Variants in TEKT5 observed in about 807,000 individuals in gnomAD.
The protein encoded by TEKT5 is tektin-5.
Under a neutral mutation model 48.7 loss-of-function variants are expected in TEKT5, and 52 were observed. The observed-to-expected ratio is 1.07, with a 90% CI of 0.86 to 1.35. TEKT5 has a LOEUF of 1.35. Among genes scored for constraint, TEKT5 ranks in the 40% most tolerant of loss-of-function variants. The pLI, the probability that TEKT5 is intolerant of heterozygous loss-of-function variation, is 0.00. For missense variants in TEKT5, 831 were observed against 641.6 expected, an observed-to-expected ratio of 1.30 and a Z score of -3.19; for synonymous variants, 318 against 267.6, an observed-to-expected ratio of 1.19 and a Z score of -1.84.
rs143162010 is a variant in TEKT5 at position 10,632,919 on chromosome 16, G to A, written c.1241+2845C>T. 2.6e-3 allele frequency among the ~76,000 whole-genome samples: 301 copies of A among 114,534 alleles called. 1 individual carries two copies. Among genetic ancestry groups the A allele is most frequent in the African/African-American group, 0.01 (285 of 27,684 alleles). 75.1% of individuals were successfully genotyped at this position (114,534 alleles called of 152,430 possible). The stretch of plus-strand genomic sequence containing the variant: ...ACACACACACACACACACACGGCCC[G>A]GCTCCTGAACCAAACATGCTCCACC... On this transcript the variant is annotated intron_variant, in intron 6 of 6. Transcript: ENST00000283025.
intron 5 of TEKT5, among the ~76,000 whole-genome samples, chr16:10,654,956 C>CAT (rs1433177523): frequency 8.1e-6 from 1 of 122,958 alleles, no homozygotes; most frequent in Non-Finnish European, 1.8e-5. Flanking sequence ...CCCCCCCCCC[C>CAT]AGTCTGTGAC....
intron 6 of TEKT5, among the ~76,000 whole-genome samples, chr16:10,629,793 G>C (rs1596398162): frequency 6.6e-6 from 1 of 152,212 alleles, no homozygotes; most frequent in Admixed American, 6.5e-5. Flanking sequence ...CAGGTACAAA[G>C]GGCCTCTGGT....
chr16:10,654,966 C>T (rs1349701378), intron 5 of TEKT5, among the ~76,000 whole-genome samples: 6 of 121,012 alleles, frequency 5.0e-5, no homozygotes, highest in South Asian at 6.6e-4. Context: ...CAGTCTGTGA[C>T]GAGATTTTTC....
At chr16:10,632,534 G>A (rs1238302101) in intron 6 of TEKT5, among the ~76,000 whole-genome samples, 1 of 152,006 alleles carries the variant, frequency 6.6e-6, no homozygotes, top group African/African-American at 2.4e-5. Flanking sequence ...GGCCTCATGT[G>A]ATCCTCCCAC....
chr16:10,660,543 G>A (rs1077069), intron 5 of TEKT5, among the ~76,000 whole-genome samples: 75,364 of 151,710 alleles, frequency 0.5, 19,207 homozygotes, highest in East Asian at 0.73. Context: ...TCATCCGGGA[G>A]ACAGAGACTG....
chr16:10,665,493 C>A (rs1183388488), intron 5 of TEKT5, among the ~76,000 whole-genome samples: 6 of 152,226 alleles, frequency 3.9e-5, no homozygotes, highest in African/African-American at 1.4e-4. Flanking sequence ...TGTTCGTTCT[C>A]TCCATCTCCT....
chr16:10,628,161 G>C lies in TEKT5; in HGVS notation c.1242-362C>G, dbSNP rs912268093. 4.6e-5 allele frequency among the ~76,000 whole-genome samples: 7 copies of C among 152,202 alleles called. No homozygotes were observed. The South Asian group carries it at 1.2e-3, about 27-fold the overall frequency. Reference sequence around the variant, plus strand: ...GTGCCCGACCTAGCACAGGTTATTCGGTTCAAGGTAGATGCACTCACTGTG... The same window carrying C: ...GTGCCCGACCTAGCACAGGTTATTCCGTTCAAGGTAGATGCACTCACTGTG... On this transcript the variant is annotated intron_variant, in intron 6 of 6. Transcript: ENST00000283025.
At chr16:10,666,593 A>G (rs1898461145) in intron 5 of TEKT5, among the ~76,000 whole-genome samples, 1 of 152,148 alleles carries the variant, frequency 6.6e-6, no homozygotes, top group Non-Finnish European at 1.5e-5. Context: ...GTGAAGAATT[A>G]CTCAGGCCAC....
intron 6 of TEKT5, among the ~76,000 whole-genome samples, chr16:10,633,173 C>G (rs554664222): frequency 7.1e-4 from 108 of 152,264 alleles, no homozygotes; most frequent in African/African-American, 2.5e-3. Context: ...CCAGCCTGAC[C>G]AACATGGTGA....
intron 5 of TEKT5, among the ~76,000 whole-genome samples, chr16:10,659,305 C>T (rs143148396): frequency 6.8e-4 from 103 of 152,322 alleles, no homozygotes; most frequent in Middle Eastern, 3.4e-3. Context: ...ATTATGTCTC[C>T]ATAATGACTA....
At chr16:10,661,933 C>G (rs1368415825) in intron 5 of TEKT5, among the ~76,000 whole-genome samples, 1 of 152,238 alleles carries the variant, frequency 6.6e-6, no homozygotes, top group Non-Finnish European at 1.5e-5. Context: ...GTGGCCAGCA[C>G]ACAGTAAGCC....
chr16:10,675,603 G>C (rs554528759), intron 5 of TEKT5, among the ~76,000 whole-genome samples: 1 of 152,280 alleles, frequency 6.6e-6, no homozygotes, highest in South Asian at 2.1e-4. Context: ...GGACGGAGAA[G>C]ATGTGCAGAA....
At chr16:10,639,244 T>G (rs141288825) in intron 5 of TEKT5, among the ~76,000 whole-genome samples, 1 of 152,232 alleles carries the variant, frequency 6.6e-6, no homozygotes, top group East Asian at 1.9e-4. Flanking sequence ...GAGTTCAAGG[T>G]TGCAGTGAGC....
At chr16:10,688,631 T>C (rs1898908425) in intron 3 of TEKT5, among the ~76,000 whole-genome samples, 1 of 152,208 alleles carries the variant, frequency 6.6e-6, no homozygotes, top group Non-Finnish European at 1.5e-5. Flanking sequence ...GGCGGCTGCT[T>C]TCGGGGGAGC....
chr16:10,691,644 A>G (rs1279591491), intron 1 of TEKT5, among the ~76,000 whole-genome samples: 1 of 152,036 alleles, frequency 6.6e-6, no homozygotes, highest in Non-Finnish European at 1.5e-5. Context: ...GGAATTCCGG[A>G]ATTAAGATGT....
intron 5 of TEKT5, among the ~76,000 whole-genome samples, chr16:10,675,413 A>G (rs1425491955): frequency 1.3e-5 from 2 of 152,188 alleles, no homozygotes; most frequent in African/African-American, 4.8e-5. Context: ...AAAAAGCATG[A>G]CGCAAAACGC....
intron 5 of TEKT5, among the ~76,000 whole-genome samples, chr16:10,657,580 C>A (rs980362784): frequency 1.0e-4 from 15 of 149,880 alleles, no homozygotes; most frequent in Admixed American, 4.6e-4. Context: ...AAAAGTCATT[C>A]CCCTTTCAAT....
At chr16:10,684,671 C>CT (rs563507823) in intron 3 of TEKT5, among the ~76,000 whole-genome samples, 1,642 of 152,248 alleles carry the variant, frequency 0.011, 15 homozygotes, top group Non-Finnish European at 0.017. Flanking sequence ...AGAGGGAAAC[C>CT]TGGGGGCCTC....
At chr16:10,640,251 T>C (rs1304702079) in intron 5 of TEKT5, among the ~76,000 whole-genome samples, 3 of 151,394 alleles carry the variant, frequency 2.0e-5, no homozygotes, top group African/African-American at 7.3e-5. Flanking sequence ...CCAGTGATCC[T>C]CTCACCTCAG....
Sources: allele counts gnomAD v4.1 joint callset (sites outside exome capture counted in the v4.1 genomes callset), GRCh38; gene constraint gnomAD v4.1.1; transcripts MANE v1.5; gene names NCBI Gene and HGNC (gene_info 2026-07-23, HGNC 2026-07-21).